The following TENM1 variants were observed in gnomAD, a reference collection of about 807,000 sequenced individuals.
The protein encoded by TENM1 is teneurin transmembrane protein 1.
TENM1 carries 35 observed loss-of-function variants against 174.8 expected under a neutral mutation model. The observed-to-expected ratio is 0.20, with a 90% CI of 0.15 to 0.27. The LOEUF is 0.27. Among genes scored for constraint, TENM1 ranks in the 10% least tolerant of loss-of-function variants. The probability of loss-of-function intolerance (pLI) is 1.00; values close to 1 mark genes in which losing one functional copy is unlikely to be tolerated. For synonymous variants in TENM1, 781 were observed against 798.7 expected (o/e 0.98, Z 0.37); for missense variants, 1,633 against 2,130.1 (o/e 0.77, Z 4.59).
At chrX:124,766,755 G>A (rs2054546691) in intron 3 of TENM1, among the ~76,000 whole-genome samples, 1 of 110,906 alleles carries the variant, frequency 9.0e-6, no homozygotes, top group Non-Finnish European at 1.9e-5. Flanking sequence ...TTTTATTACT[G>A]CTTTTGTGGA....
intron 29 of TENM1, 114 bp from the exon 33 acceptor site, chrX:124,384,968 T>C: frequency 1.6e-5 from 10 of 627,128 alleles, no homozygotes; most frequent in Non-Finnish European, 1.8e-5. Flanking sequence ...AATACAATAT[T>C]AGAGACTGAT....
chrX:124,551,905 T>C (rs2048582202), intron 14 of TENM1, among the ~76,000 whole-genome samples: 1 of 112,171 alleles, frequency 8.9e-6, no homozygotes, highest in African/African-American at 3.2e-5. Context: ...ATTCAACCCC[T>C]TTTATTGAAG....
At chrX:124,451,377 A>G (rs1234658287) in intron 23 of TENM1, among the ~76,000 whole-genome samples, 2 of 111,900 alleles carry the variant, frequency 1.8e-5, no homozygotes, top group Non-Finnish European at 3.8e-5. Context: ...CAAACACCCT[A>G]GAAATAGCTA....
the TENM1 span, among the ~76,000 whole-genome samples, chrX:124,969,689 T>C: frequency 2.7e-5 from 3 of 111,785 alleles, no homozygotes; most frequent in East Asian, 8.5e-4. Context: ...ATCACACATG[T>C]AGTAAACGGC....
At chrX:124,412,953 T>G (rs2060553172) in intron 25 of TENM1, among the ~76,000 whole-genome samples, 1 of 111,064 alleles carries the variant, frequency 9.0e-6, no homozygotes, top group Non-Finnish European at 1.9e-5. Flanking sequence ...TCCTAGAAGG[T>G]AGGTAGAGAT....
intron 3 of TENM1, among the ~76,000 whole-genome samples, chrX:124,770,531 G>C (rs184018118): frequency 9.1e-6 from 1 of 110,489 alleles, no homozygotes; most frequent in Non-Finnish European, 1.9e-5. Context: ...TCAGCCTCCC[G>C]AGTAGCTGGT....
chrX:124,874,870 GTCT>G (rs1343553693), intron 3 of TENM1, among the ~76,000 whole-genome samples: 1 of 111,311 alleles, frequency 9.0e-6, no homozygotes, highest in Non-Finnish European at 1.9e-5. Context: ...ACCATTTCCA[GTCT>G]TCTTCCATCC....
intron 16 of TENM1, among the ~76,000 whole-genome samples, chrX:124,528,686 T>C (rs1415768632): frequency 2.7e-5 from 3 of 109,684 alleles, no homozygotes; most frequent in African/African-American, 1.0e-4. Context: ...TACACACACA[T>C]ATATATGTGC....
the TENM1 span, among the ~76,000 whole-genome samples, chrX:125,073,596 G>C: frequency 0.025 from 2,792 of 110,644 alleles, 91 homozygotes; most frequent in African/African-American, 0.086. Flanking sequence ...TTTCATTTCT[G>C]TATCTGTTGA....
At chrX:124,616,433 A>G (rs1172519510) in intron 11 of TENM1, among the ~76,000 whole-genome samples, 1 of 112,502 alleles carries the variant, frequency 8.9e-6, no homozygotes, top group East Asian at 2.8e-4. Flanking sequence ...CTTGTTAAAC[A>G]TGCTGCTCTC....
chrX:124,894,299 G>T (rs1569476272), exon 3 of TENM1: 1 of 1,199,715 alleles, frequency 8.3e-7, no homozygotes, highest in South Asian at 1.8e-5. Flanking sequence ...CACTTGCCTT[G>T]AGTAGACCCA....
At chrX:124,589,927 G>C (rs2843503) in intron 11 of TENM1, among the ~76,000 whole-genome samples, 1 of 109,852 alleles carries the variant, frequency 9.1e-6, no homozygotes, top group Non-Finnish European at 1.9e-5. Flanking sequence ...TTCTGCTCTG[G>C]TTTTAGTCAT....
chrX:124,933,361 T>C (rs1490878712), intron 1 of TENM1, among the ~76,000 whole-genome samples: 2 of 112,275 alleles, frequency 1.8e-5, no homozygotes, highest in Non-Finnish European at 3.8e-5. Flanking sequence ...GAGCATTTGA[T>C]TCACCAGTCA....
At chrX:124,999,300 G>A in the TENM1 span, among the ~76,000 whole-genome samples, 1 of 110,805 alleles carries the variant, frequency 9.0e-6, no homozygotes, top group South Asian at 3.8e-4. Flanking sequence ...AGATACGCAA[G>A]CACAGATACA....
chrX:124,474,406 A>G (rs1163486080), intron 22 of TENM1, among the ~76,000 whole-genome samples: 1 of 111,169 alleles, frequency 9.0e-6, no homozygotes, highest in Non-Finnish European at 1.9e-5. Flanking sequence ...TTTCTGTTTG[A>G]CTCAAAAACC....
chrX:124,730,274 G>A (rs894052118), intron 4 of TENM1, among the ~76,000 whole-genome samples: 2 of 111,894 alleles, frequency 1.8e-5, no homozygotes, highest in African/African-American at 6.5e-5. Flanking sequence ...CCTTTAGTTA[G>A]ATAAAGATAG....
intron 3 of TENM1, among the ~76,000 whole-genome samples, chrX:124,812,403 T>A (rs1196397169): frequency 9.0e-6 from 1 of 111,689 alleles, no homozygotes; most frequent in Non-Finnish European, 1.9e-5. Flanking sequence ...ACAAGTAATC[T>A]CAATTATTGC....
intron 11 of TENM1, among the ~76,000 whole-genome samples, chrX:124,588,395 C>A (rs924007327): frequency 1.8e-5 from 2 of 111,309 alleles, no homozygotes; most frequent in African/African-American, 6.6e-5. Flanking sequence ...TTTGTAGGGA[C>A]GTGGATGAAA....
chrX:125,046,857 CGTGT>C, the TENM1 span, among the ~76,000 whole-genome samples: 16,307 of 98,042 alleles, frequency 0.17, 1,224 homozygotes, highest in African/African-American at 0.27. Flanking sequence ...TGTGTGCATG[CGTGT>C]GTGTGTGTGT....
Sources: gnomAD v4.1 joint callset for allele counts (sites outside exome capture counted in the v4.1 genomes callset) on GRCh38, gnomAD v4.1.1 for gene constraint, MANE v1.5 for transcripts, NCBI Gene and HGNC (gene_info 2026-07-23, HGNC 2026-07-21) for gene names.